ITGBL1: variants seen among roughly 807,000 people sequenced by gnomAD.
ITGBL1 encodes integrin subunit beta like 1.
Under a neutral mutation model 68.5 loss-of-function variants are expected in ITGBL1, and 51 were observed. That is an observed-to-expected ratio of 0.74 (90% CI 0.59 to 0.94). ITGBL1 has a LOEUF of 0.94. Among genes scored for constraint, ITGBL1 ranks in the 40% least tolerant of loss-of-function variants. The pLI is 0.00. For synonymous variants in ITGBL1, 209 were observed against 227.3 expected (o/e 0.92, Z 0.72); for missense variants, 649 against 647.4 (o/e 1.00, Z -0.03).
At chr13:101,682,369 G>A (rs1037684545) in intron 7 of ITGBL1, among the ~76,000 whole-genome samples, 2 of 151,974 alleles carry the variant, frequency 1.3e-5, no homozygotes, top group Non-Finnish European at 2.9e-5. Context: ...TAAAATAATA[G>A]TATTTTGTTT....
intron 7 of ITGBL1, among the ~76,000 whole-genome samples, chr13:101,661,288 ATC>A (rs2033082992): frequency 6.6e-6 from 1 of 152,166 alleles, no homozygotes; most frequent in South Asian, 2.1e-4. Context: ...ACTCCGGAAT[ATC>A]TTGAAACCTA....
chr13:101,704,012 G>T (rs367786423), intron 8 of ITGBL1, among the ~76,000 whole-genome samples: 7 of 152,232 alleles, frequency 4.6e-5, no homozygotes, highest in African/African-American at 1.7e-4. Context: ...GGGAGGGGAC[G>T]GGAGAGACCA....
At chr13:101,470,900 A>G (rs926140506) in intron 2 of ITGBL1, among the ~76,000 whole-genome samples, 41 of 60,628 alleles carry the variant, frequency 6.8e-4, no homozygotes, top group African/African-American at 2.4e-3. Context: ...AATTCTCCCA[A>G]TAAACAAATA....
At position 101,568,712 on chromosome 13, in the gene ITGBL1, T is replaced by C. The variant is rs543366350; in HGVS notation, c.463+867T>C. Among the ~76,000 whole-genome samples, 22 of 152,190 alleles carry C rather than the reference T, an allele frequency of 1.4e-4. No individual in the cohort carries two copies. In the East Asian group the frequency reaches 3.9e-3, roughly 27 times the overall value. ...AAAGGTGAGGATTTGACTTCACGAA[T>C]GAGTACCTTTCTTCCTGAAGCTCAC... On this transcript the variant is annotated intron_variant, in intron 3 of 10. Coordinates refer to ENST00000376180, the MANE Select transcript of ITGBL1 (RefSeq NM_004791.3).
In ITGBL1 at chr13:101,657,063, G is replaced by A. The variant is rs374385792; in HGVS notation, c.1016-35522G>A. 1.6e-4 allele frequency among the ~76,000 whole-genome samples: 24 copies of A among 151,610 alleles called. No individual in the cohort carries two copies. In the East Asian group the frequency reaches 2.5e-3, roughly 16 times the overall value. Reference sequence around the variant, plus strand: ...GCTGGTGCGCTGCACCCACTAACTCGTCAGTATTGCTTCTATAGAAGGCTA... The same window carrying A: ...GCTGGTGCGCTGCACCCACTAACTCATCAGTATTGCTTCTATAGAAGGCTA... On this transcript the variant is annotated intron_variant, in intron 7 of 10. Coordinates refer to ENST00000376180, the MANE Select transcript of ITGBL1 (RefSeq NM_004791.3).
At chr13:101,463,272 G>A (rs1594823884) in intron 2 of ITGBL1, among the ~76,000 whole-genome samples, 1 of 152,038 alleles carries the variant, frequency 6.6e-6, no homozygotes, top group Non-Finnish European at 1.5e-5. Flanking sequence ...TACTCTGATA[G>A]TCTTTGAACT....
intron 7 of ITGBL1, among the ~76,000 whole-genome samples, chr13:101,647,624 G>T (rs534348163): frequency 1.6e-4 from 24 of 152,298 alleles, no homozygotes; most frequent in African/African-American, 5.8e-4. Flanking sequence ...ATTTTACCCT[G>T]TGCAGGGAAA....
At chr13:101,646,974 G>A (rs2032579536) in intron 7 of ITGBL1, among the ~76,000 whole-genome samples, 1 of 151,964 alleles carries the variant, frequency 6.6e-6, no homozygotes, top group African/African-American at 2.4e-5. Flanking sequence ...GAAATTAAAT[G>A]GGCCAAAAAT....
intron 8 of ITGBL1, among the ~76,000 whole-genome samples, chr13:101,694,667 C>T (rs1023904330): frequency 6.6e-6 from 1 of 152,146 alleles, no homozygotes; most frequent in African/African-American, 2.4e-5. Context: ...AGGGATTCTC[C>T]TGCCTTGGCC....
chr13:101,560,973 G>T (rs2050090528), intron 2 of ITGBL1, among the ~76,000 whole-genome samples: 1 of 152,128 alleles, frequency 6.6e-6, no homozygotes, highest in Non-Finnish European at 1.5e-5. Context: ...AGAAAAGTGG[G>T]ACGAATTAAA....
intron 2 of ITGBL1, among the ~76,000 whole-genome samples, chr13:101,547,709 AT>A (rs1192081517): frequency 3.3e-5 from 5 of 151,782 alleles, no homozygotes; most frequent in Non-Finnish European, 7.4e-5. Context: ...AAAATATTGG[AT>A]TGTTTTTTAA....
Position 101,453,962 on chromosome 13 carries a change from G to T in ITGBL1, c.178G>T (p.Ala60Ser), listed in dbSNP as rs1034824394. 41 of 1,510,262 alleles carry T rather than the reference G, an allele frequency of 2.7e-5. No individual in the cohort carries two copies. The highest frequency in any genetic ancestry group is 3.6e-5 in the Non-Finnish European group (40 of 1,125,326). The allele number at this position is 1,510,262 out of a possible 1,614,324, so 93.6% of individuals were successfully genotyped here. Residue 60 changes from alanine to serine, a missense_variant, in exon 2 of 11, where the codon GCC (alanine) becomes TCC (serine). Transcript: ENST00000376180. ...RCRAPGQPPG[A>S]ALCHGRGRCD... ...CCGCGCACCTGGGCAGCCCCCGGGG[G>T]CCGCGCTGTGCCACGGCCGGGGCCG...
chr13:101,663,535 G>T (rs2033139455), intron 7 of ITGBL1, among the ~76,000 whole-genome samples: 1 of 152,106 alleles, frequency 6.6e-6, no homozygotes, highest in Admixed American at 6.6e-5. Context: ...TCAGGCCTGG[G>T]CATATTCCAG....
chr13:101,541,784 GA>G (rs1385582482), intron 2 of ITGBL1, among the ~76,000 whole-genome samples: 1 of 152,144 alleles, frequency 6.6e-6, no homozygotes, highest in Non-Finnish European at 1.5e-5. Flanking sequence ...TTAGTCTTGG[GA>G]GGATGTATGT....
At chr13:101,512,789 C>T (rs986012049) in intron 2 of ITGBL1, among the ~76,000 whole-genome samples, 1 of 152,094 alleles carries the variant, frequency 6.6e-6, no homozygotes, top group African/African-American at 2.4e-5. Flanking sequence ...CTAAAGCCTC[C>T]CCCAGGTCCT....
intron 2 of ITGBL1, among the ~76,000 whole-genome samples, chr13:101,475,914 G>A (rs2048529853): frequency 1.3e-5 from 2 of 152,066 alleles, no homozygotes; most frequent in African/African-American, 2.4e-5. Flanking sequence ...AAAAGCTTAG[G>A]ATTTCATCAA....
At chr13:101,462,410 T>C (rs1478794714) in intron 2 of ITGBL1, among the ~76,000 whole-genome samples, 3 of 152,196 alleles carry the variant, frequency 2.0e-5, no homozygotes, top group African/African-American at 7.2e-5. Context: ...CTTCTCAGCA[T>C]AGTCACCCTC....
chr13:101,632,441 C>T lies in ITGBL1; in HGVS notation c.1015+34142C>T, dbSNP rs563338705. On this transcript the variant is annotated intron_variant, in intron 7 of 10. Coordinates refer to ENST00000376180, the MANE Select transcript of ITGBL1 (RefSeq NM_004791.3). The stretch of plus-strand genomic sequence containing the variant: ...GTTAGGCTGTAAAGCCCAGAACTCT[C>T]ATACATTGCTGTTGGGAGTATAAAA... 2.6e-5 allele frequency among the ~76,000 whole-genome samples: 4 copies of T among 152,284 alleles called. No individual in the cohort carries two copies. The East Asian group carries it at 7.7e-4, about 29-fold the overall frequency.
In ITGBL1 at chr13:101,661,837, T is replaced by C. The variant is rs560060667; in HGVS notation, c.1016-30748T>C. 3.9e-5 allele frequency among the ~76,000 whole-genome samples: 6 copies of C among 152,310 alleles called. No individual in the cohort carries two copies. The East Asian group carries it at 9.6e-4, about 24-fold the overall frequency. Reference sequence around the variant, plus strand: ...ATTAATTATACTTCTGAAAAAGCAATTGTCATTTTCTAAACGGATAAAAAT... The same window carrying C: ...ATTAATTATACTTCTGAAAAAGCAACTGTCATTTTCTAAACGGATAAAAAT... On this transcript the variant is annotated intron_variant, in intron 7 of 10. Coordinates refer to ENST00000376180, the MANE Select transcript of ITGBL1 (RefSeq NM_004791.3).
Sources: gnomAD v4.1 joint callset for allele counts (sites outside exome capture counted in the v4.1 genomes callset) on GRCh38, gnomAD v4.1.1 for gene constraint, MANE v1.5 for transcripts, NCBI Gene and HGNC (gene_info 2026-07-23, HGNC 2026-07-21) for gene names.